LIN9: variants seen among roughly 807,000 people sequenced by gnomAD.
LIN9 encodes the protein protein lin-9 homolog.
LIN9 carries 18 observed loss-of-function variants against 78.0 expected under a neutral mutation model. The ratio of observed to expected loss-of-function variants is 0.23; its 90% confidence interval spans 0.16 to 0.34. The LOEUF is 0.34. Among genes scored for constraint, LIN9 ranks in the 10% least tolerant of loss-of-function variants. The pLI is 1.00. For synonymous variants in LIN9, 192 were observed against 215.2 expected (o/e 0.89, Z 0.94); for missense variants, 451 against 644.1 (o/e 0.70, Z 3.25).
At position 226,286,231 on chromosome 1, in the gene LIN9, G is replaced by A. The variant is rs956768216; in HGVS notation, c.524+102C>T. On this transcript the variant is annotated intron_variant, in intron 6 of 14. Coordinates refer to ENST00000681046, the MANE Select transcript of LIN9 (RefSeq NM_001366245.2). ...TACAGCCCTGAACCCCTGGCCTTAA[G>A]CAAATACCCCATCTTAGCCTTCCAA... 5 of 1,278,542 alleles carry A rather than the reference G, an allele frequency of 3.9e-6. No homozygotes were observed. The African/African-American group carries it at 6.0e-5, about 15-fold the overall frequency. The allele number at this position is 1,278,542 out of a possible 1,614,324, so 79.2% of individuals were successfully genotyped here.
Position 226,265,410 on chromosome 1 carries a change from T to G in LIN9, c.1038+123A>C, listed in dbSNP as rs548527652. On this transcript the variant is annotated intron_variant, in intron 10 of 14. Coordinates refer to ENST00000681046, the MANE Select transcript of LIN9 (RefSeq NM_001366245.2). This position sits in a 1 kb window ranked among gnomAD's most constrained non-coding sequence, Gnocchi z 4.1. Reference sequence around the variant, plus strand: ...TTTTATTTTCAGGCTTTGTTGGAAATAGCAGCTCTTAAAACCTACACGGTG... The same window carrying G: ...TTTTATTTTCAGGCTTTGTTGGAAAGAGCAGCTCTTAAAACCTACACGGTG... 3 of 499,968 alleles carry G rather than the reference T, an allele frequency of 6.0e-6. No homozygotes were observed. The highest frequency in any genetic ancestry group is 1.1e-5 in the Non-Finnish European group (3 of 278,904). The allele number at this position is 499,968 out of a possible 1,614,324, so 31.0% of individuals were successfully genotyped here. A position where few individuals can be genotyped will look rare whatever the true frequency, so the allele number is the denominator to read the frequency against.
At chr1:226,281,491 A>G (rs1249617748) in intron 6 of LIN9, among the ~76,000 whole-genome samples, 2 of 152,146 alleles carry the variant, frequency 1.3e-5, no homozygotes. Flanking sequence ...GAGAAAAATT[A>G]TAATGTTCCC....
At chr1:226,287,909 T>A in intron 4 of LIN9, 112 bp from the exon 5 acceptor site, 1 of 665,034 alleles carries the variant, frequency 1.5e-6, no homozygotes, top group Non-Finnish European at 2.5e-6. Context: ...TTAAAAAGGT[T>A]CACTGATTCA....
At chr1:226,256,232 A>G (rs531026334) in intron 10 of LIN9, among the ~76,000 whole-genome samples, 4 of 152,124 alleles carry the variant, frequency 2.6e-5, no homozygotes, top group African/African-American at 9.6e-5. Context: ...ACTAAAAAAA[A>G]GGAAAAAAAA....
chr1:226,309,072 G>T, intron 1 of LIN9, 37 bp downstream of exon 1: 2 of 1,308,576 alleles, frequency 1.5e-6, no homozygotes, highest in Non-Finnish European at 2.0e-6. Context: ...CAAGCAGCAG[G>T]CGGGAAAAGG....
At chr1:226,300,081 G>C (rs1235380349) in intron 2 of LIN9, among the ~76,000 whole-genome samples, 4 of 151,976 alleles carry the variant, frequency 2.6e-5, no homozygotes, top group Admixed American at 2.0e-4. Flanking sequence ...TGGGATTATA[G>C]GCACCTGCCA....
At chr1:226,274,318 T>C (rs1331141558) in intron 7 of LIN9, among the ~76,000 whole-genome samples, 2 of 152,260 alleles carry the variant, frequency 1.3e-5, no homozygotes, top group African/African-American at 4.8e-5. Flanking sequence ...AGAACTTTTT[T>C]GGCATTACTT....
At chr1:226,291,916 G>GA (rs1027755778) in intron 4 of LIN9, among the ~76,000 whole-genome samples, 125 of 131,530 alleles carry the variant, frequency 9.5e-4, no homozygotes, top group East Asian at 5.1e-3. Flanking sequence ...ATTCTCAGGA[G>GA]AAAAAAAAAA....
At chr1:226,261,700 T>A (rs1162707997) in intron 10 of LIN9, among the ~76,000 whole-genome samples, 1 of 152,228 alleles carries the variant, frequency 6.6e-6, no homozygotes, top group Non-Finnish European at 1.5e-5. Flanking sequence ...TCTTCTCAAC[T>A]TGATCTATAA....
intron 4 of LIN9, among the ~76,000 whole-genome samples, chr1:226,288,682 TAAAC>T (rs1462795379): frequency 2.0e-5 from 3 of 151,944 alleles, no homozygotes; most frequent in African/African-American, 7.3e-5. Flanking sequence ...AAAATGGACA[TAAAC>T]AAAAAAATTA....
chr1:226,277,702 A>T lies in LIN9; in HGVS notation c.682+73T>A. Reference sequence around the variant, plus strand: ...TAATTAAAAATGAAATAAAATAAGAACCAAAGAAACAAAAAAGATTACCTT... The same window carrying T: ...TAATTAAAAATGAAATAAAATAAGATCCAAAGAAACAAAAAAGATTACCTT... On this transcript the variant is annotated intron_variant, in intron 7 of 14. Transcript: ENST00000681046. 3 of 1,334,730 alleles carry T rather than the reference A, an allele frequency of 2.2e-6. No individual in the cohort carries two copies. The South Asian group carries it at 3.9e-5, about 17-fold the overall frequency. 82.7% of individuals were successfully genotyped at this position (1,334,730 alleles called of 1,614,324 possible). A position where few individuals can be genotyped will look rare whatever the true frequency, so the allele number is the denominator to read the frequency against.
rs763134401 is a variant in LIN9 at position 226,233,439 on chromosome 1, G to C, written c.1330C>G (p.Arg444Gly). Reference protein sequence around the residue: ...RCEEEAQEIVRHANSSTGQPC... With the variant: ...RCEEEAQEIVGHANSSTGQPC... ...TGTCCTGTTGAGGAATTTGCATGCC[G>C]AACAATTTCCTGTGCTTCTTCCTCA... Residue 444 changes from arginine to glycine, a missense_variant, in exon 13 of 15, where the codon CGG becomes GGG. By Grantham distance (125) the Arg-to-Gly change is moderately radical. Transcript: ENST00000681046. 3 of 1,614,100 alleles carry C rather than the reference G, an allele frequency of 1.9e-6. No individual in the cohort carries two copies. The highest frequency in any genetic ancestry group is 2.5e-6 in the Non-Finnish European group (3 of 1,179,986).
chr1:226,253,403 C>T (rs1658972893), intron 10 of LIN9, among the ~76,000 whole-genome samples: 1 of 151,782 alleles, frequency 6.6e-6, no homozygotes, highest in African/African-American at 2.4e-5. Context: ...AAGGAATCCT[C>T]ATGCCTCAGG....
At chr1:226,269,648 T>A (rs554785572) in intron 7 of LIN9, among the ~76,000 whole-genome samples, 1 of 152,152 alleles carries the variant, frequency 6.6e-6, no homozygotes, top group Admixed American at 6.5e-5. Flanking sequence ...TGACTGGTCA[T>A]GAAAGACAGC....
At chr1:226,258,532 C>T (rs1188838157) in intron 10 of LIN9, among the ~76,000 whole-genome samples, 2 of 149,106 alleles carry the variant, frequency 1.3e-5, no homozygotes, top group African/African-American at 4.9e-5. Context: ...CAAAAGAAAG[C>T]AGGAGCAGTT....
chr1:226,306,019 G>C (rs949327323), intron 1 of LIN9, among the ~76,000 whole-genome samples: 1 of 152,054 alleles, frequency 6.6e-6, no homozygotes, highest in Non-Finnish European at 1.5e-5. Context: ...GCTTAAATAT[G>C]GGAAGTGAAA....
chr1:226,252,868 G>A (rs1658927197), intron 10 of LIN9, among the ~76,000 whole-genome samples: 1 of 152,132 alleles, frequency 6.6e-6, no homozygotes, highest in Non-Finnish European at 1.5e-5. Context: ...TCGGCAGGCT[G>A]AGGCAGGAGA....
chr1:226,287,772 G>T lies in LIN9; in HGVS notation c.290C>A (p.Pro97Gln). Residue 97 changes from proline (P) to glutamine (Q), a missense_variant, in exon 5 of 15, where the codon CCA (proline) becomes CAA (glutamine). Transcript: ENST00000681046. ...AATCTTCTGTGAAGCTTTCTTATCT[G>T]GTGTTGACATTGTTGCTGTAAATTT... Reference protein sequence around the residue: ...PQKFTATMSTPDKKASQKIGF... With the variant: ...PQKFTATMSTQDKKASQKIGF... 1 of 1,551,828 alleles carries T rather than the reference G, an allele frequency of 6.4e-7. No individual in the cohort carries two copies. The highest frequency in any genetic ancestry group is 8.6e-7 in the Non-Finnish European group (1 of 1,160,192).
chr1:226,248,300 G>A (rs1658612793), intron 11 of LIN9, among the ~76,000 whole-genome samples: 1 of 152,106 alleles, frequency 6.6e-6, no homozygotes, highest in Admixed American at 6.6e-5. Flanking sequence ...TGCCAACTCT[G>A]GATCTAGGGC....
Sources: allele counts gnomAD v4.1 joint callset (sites outside exome capture counted in the v4.1 genomes callset), GRCh38; gene constraint gnomAD v4.1.1; non-coding constraint Gnocchi (gnomAD v3.1); transcripts MANE v1.5; gene names NCBI Gene and HGNC (gene_info 2026-07-23, HGNC 2026-07-21).